LARGE1: variants seen among roughly 807,000 people sequenced by gnomAD.
The protein encoded by LARGE1 is xylosyl- and glucuronyltransferase LARGE1.
LARGE1 carries 43 observed loss-of-function variants against 87.6 expected under a neutral mutation model. That is an observed-to-expected ratio of 0.49 (90% CI 0.38 to 0.63). The LOEUF is 0.63. LARGE1 is among the 30% of genes least tolerant of loss of function. The probability of loss-of-function intolerance (pLI) is 0.00; values close to 1 mark genes in which losing one functional copy is unlikely to be tolerated. For synonymous variants in LARGE1, 434 were observed against 394.6 expected, an observed-to-expected ratio of 1.10 and a Z score of -1.18; for missense variants, 802 against 1,000.2, an observed-to-expected ratio of 0.80 and a Z score of 2.67.
chr22:33,813,815 T>A (rs1023086443), intron 1 of LARGE1, among the ~76,000 whole-genome samples: 5 of 152,144 alleles, frequency 3.3e-5, no homozygotes, highest in Admixed American at 6.6e-5. Flanking sequence ...ACTTCAGCCT[T>A]AAATACCTTA....
intron 2 of LARGE1, among the ~76,000 whole-genome samples, chr22:33,667,830 A>C (rs572939273): frequency 1.3e-5 from 2 of 152,376 alleles, no homozygotes; most frequent in East Asian, 3.9e-4. Context: ...GGCCTTTTCT[A>C]TAAGGACATG....
chr22:33,819,684 T>C (rs182556418), intron 1 of LARGE1, among the ~76,000 whole-genome samples: 132 of 152,292 alleles, frequency 8.7e-4, no homozygotes, highest in Non-Finnish European at 9.1e-4. Flanking sequence ...TCAACCACCC[T>C]TTCCACTTTC....
chr22:33,629,109 AAAAG>A (rs1180916393), intron 3 of LARGE1, among the ~76,000 whole-genome samples: 8 of 152,180 alleles, frequency 5.3e-5, no homozygotes, highest in African/African-American at 1.9e-4. Flanking sequence ...CTCCACCTGT[AAAAG>A]AAAGACACCA....
intron 1 of LARGE1, among the ~76,000 whole-genome samples, chr22:33,820,376 T>C (rs1019917370): frequency 5.9e-5 from 9 of 152,006 alleles, no homozygotes; most frequent in Admixed American, 2.0e-4. Flanking sequence ...GGCTGGAGGG[T>C]AGTGGCACAA....
chr22:33,871,115 C>T lies in LARGE1; in HGVS notation c.-83+48880G>A, dbSNP rs116384734. Among the ~76,000 whole-genome samples, 1,246 of 152,288 alleles carry T rather than the reference C, an allele frequency of 8.2e-3. 14 individuals carry two copies. The highest frequency in any genetic ancestry group is 0.028 in the African/African-American group (1,172 of 41,552). ...TGATAGAATGCTCTGCACTCAGGAG[C>T]ACCTTAAAACATTTATTTCATGGCA... On this transcript the variant is annotated intron_variant, in intron 1 of 14. Coordinates refer to ENST00000397394, the MANE Select transcript of LARGE1 (RefSeq NM_133642.5).
At chr22:33,316,513 A>T (rs901782444) in intron 10 of LARGE1, among the ~76,000 whole-genome samples, 1 of 151,482 alleles carries the variant, frequency 6.6e-6, no homozygotes, top group African/African-American at 2.4e-5. Context: ...GGCCAAGGCG[A>T]GCAGATCGCT....
intron 2 of LARGE1, among the ~76,000 whole-genome samples, chr22:33,729,871 C>T (rs1283329762): frequency 1.3e-5 from 2 of 152,182 alleles, no homozygotes; most frequent in African/African-American, 2.4e-5. Context: ...CCGTTCTCCC[C>T]TCATCAAGTA....
intron 6 of LARGE1, among the ~76,000 whole-genome samples, chr22:33,469,376 T>C (rs1399034890): frequency 4.6e-5 from 7 of 152,208 alleles, no homozygotes; most frequent in Admixed American, 3.9e-4. Context: ...GTCATGTCCT[T>C]TGCAGCAATA....
At chr22:33,103,362 G>T in the LARGE1 span, among the ~76,000 whole-genome samples, 3 of 143,334 alleles carry the variant, frequency 2.1e-5, no homozygotes, top group East Asian at 6.3e-4. Flanking sequence ...GAACCCGGTA[G>T]GCAGAGCTTG....
At chr22:33,285,298 C>A (rs1160006240) in intron 12 of LARGE1, among the ~76,000 whole-genome samples, 1 of 152,052 alleles carries the variant, frequency 6.6e-6, no homozygotes, top group Non-Finnish European at 1.5e-5. Context: ...TTTTGAAAAA[C>A]CACTGAAAGC....
At position 33,768,218 on chromosome 22, in the gene LARGE1, A is replaced by G. The variant is rs186473209; in HGVS notation, c.-82-6660T>C. Among the ~76,000 whole-genome samples the G allele has an allele frequency of 2.1e-4, 32 of 152,286 alleles. No homozygotes were observed. The East Asian group carries it at 6.0e-3, about 29-fold the overall frequency. ...CAGCTACTCAGGAGGCTGAGGCAAG[A>G]GAATGGCGTGAACCCAGGAGGCGGA... On this transcript the variant is annotated intron_variant, in intron 1 of 14. Transcript: ENST00000397394.
At chr22:33,253,634 C>G (rs1033229420) in intron 11 of LARGE1, among the ~76,000 whole-genome samples, 9 of 152,194 alleles carry the variant, frequency 5.9e-5, no homozygotes, top group African/African-American at 2.2e-4. Flanking sequence ...ATCGCTTGAA[C>G]CCGGAAGGTG....
At chr22:33,655,885 T>C (rs1033007711) in intron 2 of LARGE1, among the ~76,000 whole-genome samples, 1 of 152,208 alleles carries the variant, frequency 6.6e-6, no homozygotes, top group Non-Finnish European at 1.5e-5. Flanking sequence ...GAGAGAGAAC[T>C]GAGAAAAGCA....
At chr22:33,142,124 G>A in the LARGE1 span, among the ~76,000 whole-genome samples, 2 of 152,216 alleles carry the variant, frequency 1.3e-5, no homozygotes, top group South Asian at 4.1e-4. Context: ...GTCAGCCAAT[G>A]ATTGATCAGA....
intron 6 of LARGE1, among the ~76,000 whole-genome samples, chr22:33,526,610 G>C (rs966110567): frequency 3.3e-5 from 5 of 152,244 alleles, no homozygotes; most frequent in African/African-American, 1.2e-4. Context: ...GCTCAGCAGA[G>C]AGCCTACGCT....
chr22:33,288,640 T>C (rs2145952668), intron 12 of LARGE1, among the ~76,000 whole-genome samples: 1 of 152,318 alleles, frequency 6.6e-6, no homozygotes, highest in Middle Eastern at 3.4e-3. Flanking sequence ...GTTGTTTAGC[T>C]GCAAGCAACA....
chr22:33,817,398 G>GCCACC (rs1172343927), intron 1 of LARGE1, among the ~76,000 whole-genome samples: 3 of 152,194 alleles, frequency 2.0e-5, no homozygotes, highest in African/African-American at 7.2e-5. Flanking sequence ...AGTCAGTACT[G>GCCACC]CCACCCCATT....
intron 9 of LARGE1, among the ~76,000 whole-genome samples, chr22:33,340,212 T>C (rs1938993044): frequency 6.6e-6 from 1 of 151,798 alleles, no homozygotes; most frequent in Non-Finnish European, 1.5e-5. Flanking sequence ...TTGCCTGTGG[T>C]CACAGAAAAG....
At chr22:33,164,122 G>T (rs1922139092) in exon 12 of LARGE1, 1 of 152,190 alleles carries the variant, frequency 6.6e-6, no homozygotes, top group Non-Finnish European at 1.5e-5. Context: ...TATTTCTTGG[G>T]ATTGTGAGTT....
Sources: gnomAD v4.1 joint callset for allele counts (sites outside exome capture counted in the v4.1 genomes callset) on GRCh38, gnomAD v4.1.1 for gene constraint, MANE v1.5 for transcripts, NCBI Gene and HGNC (gene_info 2026-07-23, HGNC 2026-07-21) for gene names.